The following PANK4 variants were observed in gnomAD, a reference collection of about 807,000 sequenced individuals.
PANK4 encodes the protein 4'-phosphopantetheine phosphatase.
A neutral mutation model predicts 87.9 loss-of-function variants in PANK4; 40 were observed. That is an observed-to-expected ratio of 0.46 (90% confidence interval 0.35 to 0.59). The LOEUF (loss-of-function observed/expected upper bound fraction) is 0.59, where lower values mean the gene tolerates loss of function less well. PANK4 is among the 20% of genes least tolerant of loss of function. The probability of loss-of-function intolerance (pLI) is 0.00; values close to 1 mark genes in which losing one functional copy is unlikely to be tolerated. For synonymous variants in PANK4, 524 were observed against 467.4 expected, an observed-to-expected ratio of 1.12 and a Z score of -1.56; for missense variants, 926 against 1,072.3, an observed-to-expected ratio of 0.86 and a Z score of 1.90.
Position 2,509,914 on chromosome 1 carries a change from C to T in PANK4, c.2056G>A (p.Glu686Lys), listed in dbSNP as rs1274694425. ...DPVVHSALQEERLLLVQTGSS... is the reference protein window; with the variant it reads ...DPVVHSALQEKRLLLVQTGSS... ...CCCGTCTGCACCAGCAGCAGCCTCTCTTCCTGGAGCGCAGAGCTGCCAGAT... is the reference window on the plus strand; with the variant it reads ...CCCGTCTGCACCAGCAGCAGCCTCTTTTCCTGGAGCGCAGAGCTGCCAGAT... The change falls in exon 18 of 19, where the codon GAG (glutamate) becomes AAG (lysine). Residue 686 changes from glutamate to lysine, a missense_variant. By Grantham distance (56) the Glu-to-Lys change is moderately conservative. Transcript: ENST00000378466. The surrounding 1 kb of genome is among the most constrained non-coding windows in gnomAD (Gnocchi z 4.9). 2 of 1,612,378 alleles carry T rather than the reference C, an allele frequency of 1.2e-6. No homozygotes were observed. The highest frequency in any genetic ancestry group is 4.5e-5 in the East Asian group (2 of 44,850).
At chr1:2,517,252 C>T (rs529790783) in intron 9 of PANK4, among the ~76,000 whole-genome samples, 22 of 152,192 alleles carry the variant, frequency 1.4e-4, no homozygotes, top group Non-Finnish European at 1.9e-4. Context: ...CAGTGTGGTG[C>T]GTCTGTGCGA....
intron 2 of PANK4, 108 bp from the exon 3 acceptor site, chr1:2,521,423 G>A (rs1018148813): frequency 6.3e-6 from 6 of 949,648 alleles, no homozygotes; most frequent in Non-Finnish European, 1.0e-5. Context: ...CCTTCAACCA[G>A]GCGGCGCTCT....
At position 2,526,515 on chromosome 1, in the gene PANK4, C is replaced by G; in HGVS notation, c.73G>C (p.Asp25His). Residue 25 changes from aspartate to histidine, a missense_variant, in exon 1 of 19, where the codon GAC (aspartate) becomes CAC (histidine). Transcript: ENST00000378466. ...TTCTCCAGGTTGCGGAAGATCTCGT[C>G]GGGGGGCAGCGTGATGCTCTTGTCC... ...SLDKSITLPP[D>H]EIFRNLENAK... The G allele has an allele frequency of 2.5e-6, 4 of 1,587,112 alleles. No individual in the cohort carries two copies. The African/African-American group carries it at 4.1e-5, about 16-fold the overall frequency.
In PANK4 at chr1:2,519,188, G is replaced by A. The variant is rs765988357; in HGVS notation, c.990C>T (p.Pro330=). 1.9e-5 allele frequency: 31 copies of A among 1,612,646 alleles called. No homozygotes were observed. Among genetic ancestry groups the A allele is most frequent in the Admixed American group, 3.3e-5 (2 of 59,990 alleles). The part of the protein sequence containing the change: ...YFGGFFIRGH[P]VTMRTITYSI... The stretch of plus-strand genomic sequence containing the variant: ...TATAGGTGATGGTGCGCATGGTCAC[G>A]GGGTGGCCCCGGATAAAGAAGCCTC... The change falls in exon 7 of 19, where the codon CCC becomes CCT. Residue 330 remains proline, a synonymous_variant. Coordinates refer to ENST00000378466, the MANE Select transcript of PANK4 (RefSeq NM_018216.4). This position sits in a 1 kb window ranked among gnomAD's most constrained non-coding sequence, Gnocchi z 8.3.
Position 2,510,208 on chromosome 1 carries a change from G to C in PANK4, c.1939-51C>G, listed in dbSNP as rs368343599. On this transcript the variant is annotated intron_variant, in intron 16 of 18. Coordinates refer to ENST00000378466, the MANE Select transcript of PANK4 (RefSeq NM_018216.4). This position sits in a 1 kb window ranked among gnomAD's most constrained non-coding sequence, Gnocchi z 4.9. ...TAGGAACCTGTGCTGGCCCAGCATG[G>C]AGCCTGCGTGCACCCCGGCCTTCGA... 8.4e-7 allele frequency: 1 copy of C among 1,192,856 alleles called. No homozygotes were observed. The highest frequency in any genetic ancestry group is 1.3e-5 in the South Asian group (1 of 77,280). 73.9% of individuals were successfully genotyped at this position (1,192,856 alleles called of 1,614,324 possible). A position where few individuals can be genotyped will look rare whatever the true frequency, so the allele number is the denominator to read the frequency against.
chr1:2,518,497 C>G lies in PANK4; in HGVS notation c.1117+19G>C. 1 of 1,547,698 alleles carries G rather than the reference C, an allele frequency of 6.5e-7. No homozygotes were observed. Among genetic ancestry groups the G allele is most frequent in the Admixed American group, 1.9e-5 (1 of 51,562 alleles). On this transcript the variant is annotated intron_variant, in intron 8 of 18. Coordinates refer to ENST00000378466, the MANE Select transcript of PANK4 (RefSeq NM_018216.4). ...GCTGAGGCCCCACGCTGCTCAGGGG[C>G]GCCAGCACCGCGACTCACTGTCCTG...
At position 2,519,344 on chromosome 1, in the gene PANK4, G is replaced by A. The variant is rs755075041; in HGVS notation, c.854-20C>T. The A allele has an allele frequency of 2.5e-6, 4 of 1,585,850 alleles. No individual in the cohort carries two copies. The highest frequency in any genetic ancestry group is 3.4e-4 in the Middle Eastern group (2 of 5,968). ...AGAACTCTGAGGAAGGGAAGGAAAA[G>A]GCACTCATCTCCAAGTACAGCAAGT... On this transcript the variant is annotated intron_variant, in intron 6 of 18. Transcript: ENST00000378466. This position sits in a 1 kb window ranked among gnomAD's most constrained non-coding sequence, Gnocchi z 8.3.
chr1:2,521,644 T>A, intron 2 of PANK4, 74 bp downstream of exon 2: 1 of 1,176,750 alleles, frequency 8.5e-7, no homozygotes, highest in Non-Finnish European at 1.3e-6. Context: ...GAGGGATGAC[T>A]GCGAGACAAG....
chr1:2,512,616 G>C, intron 13 of PANK4: 1 of 457,142 alleles, frequency 2.2e-6, no homozygotes, highest in South Asian at 4.3e-5. Context: ...TGCCAGCCCC[G>C]ATTTTCAAAT....
In PANK4 at chr1:2,520,495, G is replaced by A. The variant is rs1227341502; in HGVS notation, c.607-81C>T. On this transcript the variant is annotated intron_variant, in intron 4 of 18. Coordinates refer to ENST00000378466, the MANE Select transcript of PANK4 (RefSeq NM_018216.4). This position sits in a 1 kb window ranked among gnomAD's most constrained non-coding sequence, Gnocchi z 6.2. The stretch of plus-strand genomic sequence containing the variant: ...CCCCGCCCCCCGCCCCATGTGCTGC[G>A]CTGGGGTGAACCCCGCCCCCACCCC... 4.9e-6 allele frequency: 6 copies of A among 1,233,850 alleles called. No homozygotes were observed. In the East Asian group the frequency reaches 7.6e-5, roughly 16 times the overall value. 76.4% of individuals were successfully genotyped at this position (1,233,850 alleles called of 1,614,324 possible).
In PANK4 at chr1:2,520,483, C is replaced by T. The variant is rs1643865718; in HGVS notation, c.607-69G>A. 1 of 1,212,912 alleles carries T rather than the reference C, an allele frequency of 8.2e-7. No homozygotes were observed. The highest frequency in any genetic ancestry group is 1.6e-5 in the African/African-American group (1 of 64,506). The allele number at this position is 1,212,912 out of a possible 1,614,324, so 75.1% of individuals were successfully genotyped here. A position where few individuals can be genotyped will look rare whatever the true frequency, so the allele number is the denominator to read the frequency against. On this transcript the variant is annotated intron_variant, in intron 4 of 18. Transcript: ENST00000378466. The surrounding 1 kb of genome is among the most constrained non-coding windows in gnomAD (Gnocchi z 6.2). ...CCACACAGGCTCCCCCGCCCCCCGC[C>T]CCATGTGCTGCGCTGGGGTGAACCC...
intron 1 of PANK4, among the ~76,000 whole-genome samples, chr1:2,522,389 A>C (rs998070742): frequency 3.9e-5 from 6 of 152,182 alleles, no homozygotes. Flanking sequence ...AGAGGCCACC[A>C]AAGTCCGTTT....
rs371387346 is a variant in PANK4, at chr1:2,515,738, G to T, written c.1219-21C>A. On this transcript the variant is annotated intron_variant, in intron 9 of 18. Transcript: ENST00000378466. The surrounding 1 kb of genome is among the most constrained non-coding windows in gnomAD (Gnocchi z 5.0). ...TCAAACTGGAAGACAGGCAGTGGCA[G>T]GGTGGAAACGTCACCATGGTTCAGA... 1 of 1,609,998 alleles carries T rather than the reference G, an allele frequency of 6.2e-7. No individual in the cohort carries two copies. The highest frequency in any genetic ancestry group is 8.5e-7 in the Non-Finnish European group (1 of 1,178,272).
chr1:2,509,246 C>T lies in PANK4; in HGVS notation c.2109-186G>A, dbSNP rs1317140760. On this transcript the variant is annotated intron_variant, in intron 18 of 18. Coordinates refer to ENST00000378466, the MANE Select transcript of PANK4 (RefSeq NM_018216.4). This position sits in a 1 kb window ranked among gnomAD's most constrained non-coding sequence, Gnocchi z 4.9. ...GGCTTCCTCAGAGCAGCAGCTCACA[C>T]AGGGCCAGAGCAGCTGCAGCTTGGA... is the stretch of plus-strand genomic sequence containing the variant. Among the ~76,000 whole-genome samples the T allele has an allele frequency of 6.6e-6, 1 of 152,180 alleles. No individual in the cohort carries two copies. Among genetic ancestry groups the T allele is most frequent in the Non-Finnish European group, 1.5e-5 (1 of 68,022 alleles).
Position 2,515,748 on chromosome 1 carries a change from G to A in PANK4, c.1219-31C>T, listed in dbSNP as rs1294946938. The A allele has an allele frequency of 5.6e-6, 9 of 1,604,740 alleles. No homozygotes were observed. Among genetic ancestry groups the A allele is most frequent in the South Asian group, 1.1e-5 (1 of 90,374 alleles). ...AGACAGGCAGTGGCAGGGTGGAAACGTCACCATGGTTCAGAACGACCCAAG... is the reference window on the plus strand; with the variant it reads ...AGACAGGCAGTGGCAGGGTGGAAACATCACCATGGTTCAGAACGACCCAAG... On this transcript the variant is annotated intron_variant, in intron 9 of 18. Transcript: ENST00000378466. This position sits in a 1 kb window ranked among gnomAD's most constrained non-coding sequence, Gnocchi z 5.0.
Position 2,526,470 on chromosome 1 carries a change from C to T in PANK4, c.118G>A (p.Asp40Asn), listed in dbSNP as rs749665672. 2.6e-6 allele frequency: 4 copies of T among 1,552,274 alleles called. No individual in the cohort carries two copies. The highest frequency in any genetic ancestry group is 1.9e-5 in the Admixed American group (1 of 52,420). The part of the protein sequence containing the change: ...NLENAKRFAI[D>N]IGGSLTKLAY... ...GCGCCCGGCCTGCGGCTACCTATGT[C>T]GATGGCGAAGCGCTTGGCGTTCTCC... Residue 40 changes from aspartate (D) to asparagine (N), a missense_variant, in exon 1 of 19, where the codon GAC becomes AAC. Coordinates refer to ENST00000378466, the MANE Select transcript of PANK4 (RefSeq NM_018216.4).
chr1:2,511,139 G>T (rs984765445), intron 15 of PANK4, among the ~76,000 whole-genome samples, 199 bp downstream of exon 15: 1 of 152,226 alleles, frequency 6.6e-6, no homozygotes, highest in African/African-American at 2.4e-5. Context: ...TGTGCCTAGA[G>T]CAGGTGACCT....
chr1:2,518,109 A>G, intron 9 of PANK4, 55 bp downstream of exon 9: 1 of 1,066,798 alleles, frequency 9.4e-7, no homozygotes, highest in Admixed American at 2.2e-5. Context: ...AGGCGAGGTG[A>G]GTGCGGCATA....
chr1:2,511,038 G>A (rs543327730), intron 15 of PANK4, among the ~76,000 whole-genome samples: 1 of 152,118 alleles, frequency 6.6e-6, no homozygotes, highest in Non-Finnish European at 1.5e-5. Flanking sequence ...GGGCCAGCCT[G>A]CAGGGGCTGA....
Sources: gnomAD v4.1 joint callset for allele counts (sites outside exome capture counted in the v4.1 genomes callset) on GRCh38, gnomAD v4.1.1 for gene constraint, Gnocchi (gnomAD v3.1) non-coding constraint, MANE v1.5 for transcripts, NCBI Gene and HGNC (gene_info 2026-07-23, HGNC 2026-07-21) for gene names.